SYT14: variants seen among roughly 807,000 people sequenced by gnomAD.
SYT14 encodes the protein synaptotagmin 14, also known as synaptotagmin-14.
In SYT14, 32 loss-of-function variants were observed where a neutral mutation model predicts 74.2. That is an observed-to-expected ratio of 0.43 (90% CI 0.33 to 0.58). The LOEUF (loss-of-function observed/expected upper bound fraction) is 0.58, where lower values mean the gene tolerates loss of function less well. Ranked by LOEUF, SYT14 falls within the 20% of genes least tolerant of loss-of-function variation. SYT14 has a pLI of 0.05. For missense variants in SYT14, 791 were observed against 981.8 expected, an observed-to-expected ratio of 0.81 and a Z score of 2.60; for synonymous variants, 298 against 337.7, an observed-to-expected ratio of 0.88 and a Z score of 1.29.
intron 5 of SYT14, among the ~76,000 whole-genome samples, chr1:210,084,598 C>A (rs1001006668): frequency 2.6e-5 from 4 of 152,312 alleles, no homozygotes; most frequent in Middle Eastern, 3.4e-3. Context: ...CAGAGCAGAT[C>A]GTGGCATAGA....
intron 2 of SYT14, among the ~76,000 whole-genome samples, chr1:209,968,726 C>CTTT (rs34548472): frequency 1.7e-4 from 24 of 137,240 alleles, no homozygotes; most frequent in African/African-American, 6.4e-4. Context: ...TAGCTCATTT[C>CTTT]TTTTTTTTTT....
At chr1:210,163,180 G>C in exon 10 of SYT14, 1 of 453,604 alleles carries the variant, frequency 2.2e-6, no homozygotes, top group South Asian at 1.6e-5. Flanking sequence ...ACAGAGCTTA[G>C]TGAAACACAT....
chr1:210,095,929 T>C (rs2081959806), intron 6 of SYT14, among the ~76,000 whole-genome samples: 1 of 152,222 alleles, frequency 6.6e-6, no homozygotes, highest in Non-Finnish European at 1.5e-5. Context: ...ACAGCTGTTT[T>C]GTAGCTTTGT....
chr1:210,054,203 A>G (rs2081054326), intron 5 of SYT14, among the ~76,000 whole-genome samples: 1 of 152,180 alleles, frequency 6.6e-6, no homozygotes, highest in South Asian at 2.1e-4. Context: ...TTTGGTGGAC[A>G]CTTTCAGTTT....
intron 7 of SYT14, among the ~76,000 whole-genome samples, chr1:210,117,538 CCCTAGA>C (rs1159093725): frequency 2.0e-5 from 3 of 151,912 alleles, no homozygotes; most frequent in African/African-American, 7.3e-5. Flanking sequence ...TGTTCTAGTT[CCCTAGA>C]CAACAACAGT....
intron 5 of SYT14, among the ~76,000 whole-genome samples, chr1:210,076,826 C>T (rs1429706028): frequency 1.3e-5 from 2 of 152,154 alleles, no homozygotes; most frequent in African/African-American, 4.8e-5. Context: ...GGGAATGTGC[C>T]AACTCATTCA....
At chr1:210,052,931 A>G (rs2081029407) in intron 5 of SYT14, among the ~76,000 whole-genome samples, 1 of 152,144 alleles carries the variant, frequency 6.6e-6, no homozygotes, top group Non-Finnish European at 1.5e-5. Flanking sequence ...ATTAAATGCC[A>G]AGATCATTCT....
intron 2 of SYT14, among the ~76,000 whole-genome samples, chr1:209,964,825 G>A (rs1572077618): frequency 6.6e-6 from 1 of 152,200 alleles, no homozygotes; most frequent in East Asian, 1.9e-4. Flanking sequence ...AAAAAAAAAT[G>A]CAGATTTCCA....
rs549377680 is a variant in SYT14 at position 210,113,726 on chromosome 1, G to GGT, written c.2034+13269_2034+13270dup. Among the ~76,000 whole-genome samples the GGT allele has an allele frequency of 2.0e-3, 296 of 151,124 alleles. 4 individuals carry two copies. The highest frequency in any genetic ancestry group is 3.6e-3 in the Non-Finnish European group (242 of 67,990). ...GAACTGGGGAAAAGGGTGGCAATGA[G>GGT]GTGTGGCTGTAGCCTAGGAATAGTC... On this transcript the variant is annotated intron_variant, in intron 7 of 9. Coordinates refer to ENST00000637265, the Ensembl canonical transcript of SYT14.
In SYT14 at chr1:210,056,659, CAA is replaced by C. The variant is rs1196789715; in HGVS notation, c.1312+35421_1312+35422del. Among the ~76,000 whole-genome samples, 7 of 79,382 alleles carry C rather than the reference CAA, an allele frequency of 8.8e-5. 1 individual carries two copies. Among genetic ancestry groups the C allele is most frequent in the East Asian group, 8.7e-4 (2 of 2,292 alleles). The allele number at this position is 79,382 out of a possible 152,430, so 52.1% of individuals were successfully genotyped here. On this transcript the variant is annotated intron_variant, in intron 5 of 9. Coordinates refer to ENST00000637265, the Ensembl canonical transcript of SYT14. ...TGAAACCCCGTCTCTACTAAAAATACAAAAAAAAAAAAAAAAATTAGCCGGGT... is the reference window on the plus strand; with the variant it reads ...TGAAACCCCGTCTCTACTAAAAATACAAAAAAAAAAAAAAATTAGCCGGGT...
rs188050098 is a variant in SYT14 at position 210,142,543 on chromosome 1, C to T, written c.2035-13178C>T. Among the ~76,000 whole-genome samples the T allele has an allele frequency of 5.3e-5, 8 of 152,252 alleles. No individual in the cohort carries two copies. In the East Asian group the frequency reaches 9.7e-4, roughly 18 times the overall value. On this transcript the variant is annotated intron_variant, in intron 7 of 9. Transcript: ENST00000637265. ...GTATGGAAGTCTAGTTTACCAGTGT[C>T]TGATGTCCATATGCTGGCATGGAGA...
intron 5 of SYT14, among the ~76,000 whole-genome samples, chr1:210,064,805 G>T (rs1038621930): frequency 3.3e-5 from 5 of 151,986 alleles, no homozygotes; most frequent in African/African-American, 7.2e-5. Flanking sequence ...AGGGTCACAT[G>T]CTAATTCTAT....
chr1:210,120,820 T>C (rs2082446079), intron 7 of SYT14, among the ~76,000 whole-genome samples: 1 of 152,250 alleles, frequency 6.6e-6, no homozygotes, highest in South Asian at 2.1e-4. Flanking sequence ...TTCGGTGGTA[T>C]ATTTCTCCCT....
At chr1:209,973,797 G>C (rs913893210) in intron 2 of SYT14, among the ~76,000 whole-genome samples, 3 of 152,152 alleles carry the variant, frequency 2.0e-5, no homozygotes, top group African/African-American at 7.2e-5. Flanking sequence ...CTGACTTCTA[G>C]AATGGTTGAA....
chr1:209,964,814 C>CA (rs113993655), intron 2 of SYT14, among the ~76,000 whole-genome samples: 1,741 of 148,966 alleles, frequency 0.012, 38 homozygotes, highest in African/African-American at 0.04. Flanking sequence ...TCCTAGCTTG[C>CA]AAAAAAAAAT....
chr1:210,165,391 C>T (rs1157067630), exon 10 of SYT14: 2 of 152,048 alleles, frequency 1.3e-5, no homozygotes, highest in African/African-American at 4.8e-5. Context: ...ACTTTTGTGT[C>T]ATTTTGTAGA....
intron 2 of SYT14, among the ~76,000 whole-genome samples, chr1:209,959,524 A>G (rs1305161143): frequency 6.6e-6 from 1 of 152,218 alleles, no homozygotes; most frequent in Non-Finnish European, 1.5e-5. Context: ...AAAATGTGGC[A>G]TATTGACACA....
intron 7 of SYT14, among the ~76,000 whole-genome samples, chr1:210,104,364 C>T (rs144524519): frequency 2.0e-5 from 3 of 152,140 alleles, no homozygotes; most frequent in Non-Finnish European, 4.4e-5. Context: ...AATTACTATT[C>T]CACTTTATGA....
At chr1:210,065,367 A>G (rs2081278110) in intron 5 of SYT14, among the ~76,000 whole-genome samples, 1 of 151,998 alleles carries the variant, frequency 6.6e-6, no homozygotes, top group Non-Finnish European at 1.5e-5. Context: ...TGATGGTTTT[A>G]TAAGGGGCTT....
Sources: allele counts gnomAD v4.1 joint callset (sites outside exome capture counted in the v4.1 genomes callset), GRCh38; gene constraint gnomAD v4.1.1; transcripts MANE v1.5; gene names NCBI Gene and HGNC (gene_info 2026-07-23, HGNC 2026-07-21).